Variants in GCGR observed in about 807,000 individuals in gnomAD.
The protein encoded by GCGR is glucagon receptor.
In GCGR, 41 loss-of-function variants were observed where a neutral mutation model predicts 56.1. The observed-to-expected ratio is 0.73, with a 90% CI of 0.57 to 0.95. The LOEUF is 0.95. Among genes scored for constraint, GCGR ranks in the 40% least tolerant of loss-of-function variants. The pLI is 0.00. For missense variants in GCGR, 595 were observed against 638.2 expected (o/e 0.93, Z 0.73); for synonymous variants, 278 against 271.1 (o/e 1.03, Z -0.25).
At position 81,810,313 on chromosome 17, in the gene GCGR, C is replaced by T; in HGVS notation, c.163+429C>T. On this transcript the variant is annotated intron_variant, in intron 3 of 13. Transcript: ENST00000400723. This position sits in a 1 kb window ranked among gnomAD's most constrained non-coding sequence, Gnocchi z 4.6. ...GGAGAGGATAGGGCTGGAGGACTCACCCGGGAGGCAGTGCCTGGGTTCGGA... is the reference window on the plus strand; with the variant it reads ...GGAGAGGATAGGGCTGGAGGACTCATCCGGGAGGCAGTGCCTGGGTTCGGA... 3.0e-6 allele frequency: 1 copy of T among 330,116 alleles called. No individual in the cohort carries two copies. The highest frequency in any genetic ancestry group is 5.9e-6 in the Non-Finnish European group (1 of 170,850). The allele number at this position is 330,116 out of a possible 1,614,324, so 20.4% of individuals were successfully genotyped here. A position where few individuals can be genotyped will look rare whatever the true frequency, so the allele number is the denominator to read the frequency against.
Position 81,813,234 on chromosome 17 carries a change from C to T in GCGR, c.1218+177C>T, listed in dbSNP as rs1229625099. On this transcript the variant is annotated intron_variant, in intron 13 of 13. Transcript: ENST00000400723. The surrounding 1 kb of genome is among the most constrained non-coding windows in gnomAD (Gnocchi z 5.3). ...TTGCCATGGCGCTGGGTGTCAGGCC[C>T]CCAGGACAGGTTGGCCTCAGCCCCA... Among the ~76,000 whole-genome samples, 11 of 152,190 alleles carry T rather than the reference C, an allele frequency of 7.2e-5. No homozygotes were observed. The highest frequency in any genetic ancestry group is 7.2e-4 in the Admixed American group (11 of 15,288).
chr17:81,812,922 G>C lies in GCGR; in HGVS notation c.1153G>C (p.Asp385His). ...GTLRSAKLFF[D>H]LFLSSFQGLL... ...CCTGCGCTCCGCCAAGCTCTTCTTCGACCTCTTCCTCAGCTCCTTCCAGGT... is the reference window on the plus strand; with the variant it reads ...CCTGCGCTCCGCCAAGCTCTTCTTCCACCTCTTCCTCAGCTCCTTCCAGGT... Residue 385 changes from aspartate to histidine, a missense_variant, in exon 12 of 14, where the codon GAC becomes CAC. Coordinates refer to ENST00000400723, the MANE Select transcript of GCGR (RefSeq NM_000160.5). This position sits in a 1 kb window ranked among gnomAD's most constrained non-coding sequence, Gnocchi z 8.5. 6.5e-7 allele frequency: 1 copy of C among 1,535,996 alleles called. No individual in the cohort carries two copies. The highest frequency in any genetic ancestry group is 8.7e-7 in the Non-Finnish European group (1 of 1,146,688).
chr17:81,808,146 G>A (rs1210654086), intron 1 of GCGR, among the ~76,000 whole-genome samples: 1 of 152,226 alleles, frequency 6.6e-6, no homozygotes, highest in African/African-American at 2.4e-5. Context: ...CCACACACTT[G>A]GCCTGGCACA....
At position 81,813,821 on chromosome 17, in the gene GCGR, A is replaced by C. The variant is rs1376593036; in HGVS notation, c.*132A>C. 2.5e-6 allele frequency: 2 copies of C among 806,638 alleles called. No homozygotes were observed. Among genetic ancestry groups the C allele is most frequent in the Admixed American group, 2.7e-5 (1 of 36,788 alleles). 50.0% of individuals were successfully genotyped at this position (806,638 alleles called of 1,614,324 possible). A position where few individuals can be genotyped will look rare whatever the true frequency, so the allele number is the denominator to read the frequency against. On this transcript the variant is annotated 3_prime_UTR_variant, in exon 14 of 14. Transcript: ENST00000400723. The surrounding 1 kb of genome is among the most constrained non-coding windows in gnomAD (Gnocchi z 5.3). The stretch of plus-strand genomic sequence containing the variant: ...CAGCCCCCACCTACCCCCCACCCCC[A>C]GTGTGGCTGTCTGCGAGATTGGGCC...
chr17:81,811,219 C>T lies in GCGR; in HGVS notation c.394-3C>T. The T allele has an allele frequency of 6.5e-7, 1 of 1,536,258 alleles. No homozygotes were observed. Among genetic ancestry groups the T allele is most frequent in the Non-Finnish European group, 8.7e-7 (1 of 1,146,810 alleles). On this transcript the variant is annotated splice_polypyrimidine_tract_variant and splice_region_variant and intron_variant, in intron 5 of 13. Coordinates refer to ENST00000400723, the MANE Select transcript of GCGR (RefSeq NM_000160.5). This position sits in a 1 kb window ranked among gnomAD's most constrained non-coding sequence, Gnocchi z 5.8. ...GGCCCTCACAGGCCACTGTAACTCGCAGAAGGAGGTGGCCAAGATGTACAG... is the reference window on the plus strand; with the variant it reads ...GGCCCTCACAGGCCACTGTAACTCGTAGAAGGAGGTGGCCAAGATGTACAG...
chr17:81,812,145 G>A lies in GCGR; in HGVS notation c.879-38G>A, dbSNP rs761287881. 2.0e-6 allele frequency: 3 copies of A among 1,535,178 alleles called. No homozygotes were observed. Among genetic ancestry groups the A allele is most frequent in the African/African-American group, 2.7e-5 (2 of 72,964 alleles). ...GGGTGCTGAGGGGCGGAGGGGCTGGGGGCTGTGCCCCAGTATGTGAGTGGC... is the reference window on the plus strand; with the variant it reads ...GGGTGCTGAGGGGCGGAGGGGCTGGAGGCTGTGCCCCAGTATGTGAGTGGC... On this transcript the variant is annotated intron_variant, in intron 9 of 13. Coordinates refer to ENST00000400723, the MANE Select transcript of GCGR (RefSeq NM_000160.5). This position sits in a 1 kb window ranked among gnomAD's most constrained non-coding sequence, Gnocchi z 8.5.
At chr17:81,805,825 G>A (rs1453561917) in intron 1 of GCGR, among the ~76,000 whole-genome samples, 2 of 152,126 alleles carry the variant, frequency 1.3e-5, no homozygotes, top group African/African-American at 2.4e-5. Flanking sequence ...CAGCTGTGTC[G>A]CCGGAAGGGT....
In GCGR at chr17:81,812,528, C is replaced by A; in HGVS notation, c.949-49C>A. ...GGTGGGGCCTTCCAAGGGCACAGAG[C>A]TGTTCCCTGGGGCTCGGGATGCCCC... On this transcript the variant is annotated intron_variant, in intron 10 of 13. Coordinates refer to ENST00000400723, the MANE Select transcript of GCGR (RefSeq NM_000160.5). This position sits in a 1 kb window ranked among gnomAD's most constrained non-coding sequence, Gnocchi z 8.5. 2 of 1,506,496 alleles carry A rather than the reference C, an allele frequency of 1.3e-6. No homozygotes were observed. The highest frequency in any genetic ancestry group is 1.8e-6 in the Non-Finnish European group (2 of 1,122,126). 93.3% of individuals were successfully genotyped at this position (1,506,496 alleles called of 1,614,324 possible). A position where few individuals can be genotyped will look rare whatever the true frequency, so the allele number is the denominator to read the frequency against.
rs558491682 is a variant in GCGR, at chr17:81,813,510, C to A, written c.1255C>A (p.Arg419Ser). ...GCTGCGGCGGCGTTGGCACCGCTGG[C>A]GCCTGGGCAAAGTGCTATGGGAGGA... ...SELRRRWHRW[R>S]LGKVLWEERN... Residue 419 changes from arginine to serine, a missense_variant, in exon 14 of 14, where the codon CGC becomes AGC. Transcript: ENST00000400723. The surrounding 1 kb of genome is among the most constrained non-coding windows in gnomAD (Gnocchi z 5.3). 2.7e-5 allele frequency: 42 copies of A among 1,535,588 alleles called. No homozygotes were observed. The South Asian group carries it at 4.8e-4, about 17-fold the overall frequency.
intron 1 of GCGR, among the ~76,000 whole-genome samples, chr17:81,807,004 C>T (rs924843208): frequency 6.6e-6 from 1 of 152,198 alleles, no homozygotes; most frequent in Non-Finnish European, 1.5e-5. Context: ...GTTGGGGGTG[C>T]ACACAGTGGG....
Position 81,811,765 on chromosome 17 carries a change from C to G in GCGR, c.772C>G (p.Leu258Val). ...YLHNLLGLAT[L>V]PERSFFSLYL... ...GCACAACCTGCTGGGCCTGGCCACC[C>G]TCCCCGAGAGGAGCTTCTTCAGCCT... Residue 258 changes from leucine to valine, a missense_variant, in exon 8 of 14, where the codon CTC (leucine) becomes GTC (valine). Transcript: ENST00000400723. The surrounding 1 kb of genome is among the most constrained non-coding windows in gnomAD (Gnocchi z 5.8). 1 of 1,538,450 alleles carries G rather than the reference C, an allele frequency of 6.5e-7. No individual in the cohort carries two copies.
intron 2 of GCGR, 65 bp downstream of exon 2, chr17:81,809,143 TCTGTCTGCCTGC>T (rs1347266010): frequency 1.9e-5 from 28 of 1,501,574 alleles, no homozygotes; most frequent in Admixed American, 4.0e-5. Flanking sequence ...CTGATGGCTC[TCTGTCTGCCTGC>T]CTGCCTGCCT....
rs1420954588 is a variant in GCGR, at chr17:81,811,265, C to T, written c.437C>T (p.Thr146Ile). 6.5e-7 allele frequency: 1 copy of T among 1,536,210 alleles called. No individual in the cohort carries two copies. Among genetic ancestry groups the T allele is most frequent in the South Asian group, 1.2e-5 (1 of 84,070 alleles). The change falls in exon 6 of 14, where the codon ACA (threonine) becomes ATA (isoleucine). Residue 146 changes from threonine (T) to isoleucine (I), a missense_variant. Transcript: ENST00000400723. This position sits in a 1 kb window ranked among gnomAD's most constrained non-coding sequence, Gnocchi z 5.8. ...TACAGCAGCTTCCAGGTGATGTACA[C>T]AGTGGGCTACAGCCTGTCCCTGGGG... Reference protein sequence around the residue: ...KMYSSFQVMYTVGYSLSLGAL... With the variant: ...KMYSSFQVMYIVGYSLSLGAL...
chr17:81,805,292 GCGC>G (rs1338888960), intron 1 of GCGR: 2 of 152,412 alleles, frequency 1.3e-5, no homozygotes, highest in Non-Finnish European at 2.9e-5. Context: ...GCAGCCAGGA[GCGC>G]CCAAGAGTCA....
Position 81,812,013 on chromosome 17 carries a change from G to T in GCGR, c.878+67G>T. On this transcript the variant is annotated intron_variant, in intron 9 of 13. Transcript: ENST00000400723. This position sits in a 1 kb window ranked among gnomAD's most constrained non-coding sequence, Gnocchi z 8.5. ...GCTGGGGTGCGGCGCTCTGGCCTGA[G>T]GCAGGGAGGGGCCGGGGATGAGCCT... is the stretch of plus-strand genomic sequence containing the variant. 3 of 1,530,002 alleles carry T rather than the reference G, an allele frequency of 2.0e-6. No individual in the cohort carries two copies. Among genetic ancestry groups the T allele is most frequent in the Non-Finnish European group, 2.6e-6 (3 of 1,141,600 alleles). 94.8% of individuals were successfully genotyped at this position (1,530,002 alleles called of 1,614,324 possible).
intron 1 of GCGR, 93 bp from the exon 2 acceptor site, chr17:81,808,749 G>A: frequency 1.8e-6 from 1 of 544,764 alleles, no homozygotes; most frequent in East Asian, 3.2e-5. Context: ...TCGATCTCCA[G>A]ACCTCGTGAT....
chr17:81,805,395 C>A (rs1261744850), intron 1 of GCGR, among the ~76,000 whole-genome samples: 1 of 152,182 alleles, frequency 6.6e-6, no homozygotes, highest in Non-Finnish European at 1.5e-5. Context: ...GCCCTAAGCC[C>A]TGGTGGTGGC....
In GCGR at chr17:81,811,448, C is replaced by A. The variant is rs550681728; in HGVS notation, c.545C>A (p.Ala182Glu). ...AATGCCATCCACGCGAATCTGTTTGCGTCCTTCGTGCTGAAAGCCAGCTCC... is the reference window on the plus strand; with the variant it reads ...AATGCCATCCACGCGAATCTGTTTGAGTCCTTCGTGCTGAAAGCCAGCTCC... ...TRNAIHANLF[A>E]SFVLKASSVL... The change falls in exon 7 of 14, where the codon GCG becomes GAG. Residue 182 changes from alanine (A) to glutamate (E), a missense_variant. Physicochemically the swap from Ala to Glu is moderately radical, Grantham distance 107 (BLOSUM62 -1). Transcript: ENST00000400723. The surrounding 1 kb of genome is among the most constrained non-coding windows in gnomAD (Gnocchi z 5.8). The A allele has an allele frequency of 3.3e-6, 5 of 1,536,628 alleles. No individual in the cohort carries two copies. Among genetic ancestry groups the A allele is most frequent in the East Asian group, 2.4e-5 (1 of 40,908 alleles).
In GCGR at chr17:81,812,553, C is replaced by A; in HGVS notation, c.949-24C>A. On this transcript the variant is annotated intron_variant, in intron 10 of 13. Transcript: ENST00000400723. This position sits in a 1 kb window ranked among gnomAD's most constrained non-coding sequence, Gnocchi z 8.5. ...CTGTTCCCTGGGGCTCGGGATGCCC[C>A]TGACTCGCACCCTTCTCACACAGAT... The A allele has an allele frequency of 6.5e-7, 1 of 1,531,208 alleles. No individual in the cohort carries two copies. Among genetic ancestry groups the A allele is most frequent in the Non-Finnish European group, 8.8e-7 (1 of 1,142,650 alleles). 94.9% of individuals were successfully genotyped at this position (1,531,208 alleles called of 1,614,324 possible). A position where few individuals can be genotyped will look rare whatever the true frequency, so the allele number is the denominator to read the frequency against.
Sources: allele counts gnomAD v4.1 joint callset (sites outside exome capture counted in the v4.1 genomes callset), GRCh38; gene constraint gnomAD v4.1.1; non-coding constraint Gnocchi (gnomAD v3.1); transcripts MANE v1.5; gene names NCBI Gene and HGNC (gene_info 2026-07-23, HGNC 2026-07-21).